Variants in ABLIM1 observed in about 807,000 individuals in gnomAD.
ABLIM1 encodes actin binding LIM protein 1.
ABLIM1 carries 40 observed loss-of-function variants against 107.0 expected under a neutral mutation model. The observed-to-expected ratio is 0.37, with a 90% CI of 0.29 to 0.49. The LOEUF is 0.49. Ranked by LOEUF, ABLIM1 falls within the 20% of genes least tolerant of loss-of-function variation. The pLI is 0.97. For missense variants in ABLIM1, 857 were observed against 1,008.5 expected (o/e 0.85, Z 2.04); for synonymous variants, 357 against 357.3 (o/e 1.00, Z 0.01).
intron 6 of ABLIM1, among the ~76,000 whole-genome samples, chr10:114,532,909 G>GT (rs1565852539): frequency 1.3e-5 from 2 of 152,156 alleles, no homozygotes; most frequent in African/African-American, 4.8e-5. Context: ...CTCCACCACC[G>GT]TCAGCTAGGT....
intron 6 of ABLIM1, among the ~76,000 whole-genome samples, chr10:114,518,847 T>C (rs1465587023): frequency 6.6e-6 from 1 of 152,038 alleles, no homozygotes. Flanking sequence ...AGAAGTTGTC[T>C]GCTCAGACAG....
At chr10:114,727,442 A>T (rs560493038) in intron 1 of ABLIM1, among the ~76,000 whole-genome samples, 8 of 152,354 alleles carry the variant, frequency 5.3e-5, no homozygotes, top group African/African-American at 1.9e-4. Flanking sequence ...TTATCAATGG[A>T]TTGCCCATGT....
chr10:114,770,924 G>A (rs1216860762), upstream of ABLIM1, among the ~76,000 whole-genome samples: 1 of 152,104 alleles, frequency 6.6e-6, no homozygotes, highest in Non-Finnish European at 1.5e-5. Context: ...TCCACCTCCC[G>A]TGCTCAAGTG....
intron 1 of ABLIM1, among the ~76,000 whole-genome samples, chr10:114,737,684 C>G (rs75558771): frequency 0.019 from 2,826 of 152,238 alleles, 86 homozygotes; most frequent in African/African-American, 0.065. Context: ...AAGAACAGAG[C>G]ATGTTCAAAG....
the ABLIM1 span, among the ~76,000 whole-genome samples, chr10:114,784,665 C>CAAAA: frequency 9.4e-4 from 83 of 87,954 alleles, no homozygotes; most frequent in East Asian, 1.5e-3. Flanking sequence ...AGACTCACCT[C>CAAAA]AAAAAAAAAA....
At chr10:114,575,710 C>T (rs1345995124) in intron 2 of ABLIM1, 111 bp from the exon 3 acceptor site, 1 of 1,165,526 alleles carries the variant, frequency 8.6e-7, no homozygotes, top group Non-Finnish European at 1.2e-6. Context: ...TGGTTTGGGG[C>T]TAGGGAGGGG....
chr10:114,487,827 T>C, intron 8 of ABLIM1, 131 bp downstream of exon 8: 1 of 1,154,098 alleles, frequency 8.7e-7, no homozygotes, highest in Admixed American at 1.7e-5. Context: ...AAATGGCCTT[T>C]GAACTTAGTT....
At chr10:114,506,272 C>T (rs543897040) in intron 6 of ABLIM1, among the ~76,000 whole-genome samples, 1 of 152,250 alleles carries the variant, frequency 6.6e-6, no homozygotes, top group South Asian at 2.1e-4. Context: ...TGAATGGGCA[C>T]CTAGGTTGAC....
At chr10:114,550,725 C>T (rs1389309901) in intron 4 of ABLIM1, among the ~76,000 whole-genome samples, 2 of 152,198 alleles carry the variant, frequency 1.3e-5, no homozygotes, top group Non-Finnish European at 2.9e-5. Flanking sequence ...CTCCCTCCTC[C>T]TAACTCCTGG....
At chr10:114,575,078 G>A (rs1304808818) in intron 3 of ABLIM1, among the ~76,000 whole-genome samples, 1 of 152,144 alleles carries the variant, frequency 6.6e-6, no homozygotes, top group Non-Finnish European at 1.5e-5. Flanking sequence ...ACATGCCTAG[G>A]AATTTATACT....
intron 1 of ABLIM1, among the ~76,000 whole-genome samples, chr10:114,655,627 A>G (rs539107139): frequency 3.1e-4 from 47 of 152,292 alleles, no homozygotes; most frequent in Admixed American, 1.5e-3. Flanking sequence ...GATTCTAGGT[A>G]TCCCCTAGTA....
chr10:114,583,444 CACACACACACACACACACACACACATAT>C (rs2073716326), intron 2 of ABLIM1, among the ~76,000 whole-genome samples: 3 of 34,498 alleles, frequency 8.7e-5, no homozygotes, highest in African/African-American at 2.8e-4. Flanking sequence ...CACACACACA[CACACACACACACACACACACACACATAT>C]ATATATATAT....
At chr10:114,459,801 G>T (rs2063499757) in intron 12 of ABLIM1, among the ~76,000 whole-genome samples, 1 of 152,178 alleles carries the variant, frequency 6.6e-6, no homozygotes, top group South Asian at 2.1e-4. Flanking sequence ...TTTAAGTTCA[G>T]GGTCACTAAT....
chr10:114,746,087 A>G (rs1421432803), intron 1 of ABLIM1, among the ~76,000 whole-genome samples: 1 of 152,198 alleles, frequency 6.6e-6, no homozygotes, highest in Non-Finnish European at 1.5e-5. Context: ...TATCACCTCA[A>G]TATTTAACTT....
the ABLIM1 span, among the ~76,000 whole-genome samples, chr10:114,786,100 C>T: frequency 6.6e-6 from 1 of 152,152 alleles, no homozygotes; most frequent in Admixed American, 6.5e-5. Context: ...AGCAGAATTA[C>T]ATTCAGTTTT....
intron 1 of ABLIM1, among the ~76,000 whole-genome samples, chr10:114,628,114 C>T (rs1271493018): frequency 2.6e-5 from 4 of 151,298 alleles, no homozygotes; most frequent in Non-Finnish European, 5.9e-5. Flanking sequence ...AAGAGTGAAA[C>T]TCTGTTTCAA....
intron 21 of ABLIM1, among the ~76,000 whole-genome samples, 165 bp downstream of exon 21, chr10:114,439,011 A>T (rs908516268): frequency 6.6e-6 from 1 of 152,256 alleles, no homozygotes; most frequent in African/African-American, 2.4e-5. Context: ...TAACCTGCTG[A>T]CCTGATGTGG....
intron 1 of ABLIM1, among the ~76,000 whole-genome samples, chr10:114,699,059 C>T (rs2081254182): frequency 6.9e-6 from 1 of 144,132 alleles, no homozygotes; most frequent in African/African-American, 2.6e-5. Context: ...TGATTCAGAG[C>T]CTGGACGATC....
At chr10:114,520,810 AAAT>A (rs1380859458) in intron 6 of ABLIM1, among the ~76,000 whole-genome samples, 2 of 151,834 alleles carry the variant, frequency 1.3e-5, no homozygotes, top group Non-Finnish European at 2.9e-5. Context: ...TGTCTCTAAA[AAAT>A]AATAATAAAA....
Sources: gnomAD v4.1 joint callset for allele counts (sites outside exome capture counted in the v4.1 genomes callset) on GRCh38, gnomAD v4.1.1 for gene constraint, MANE v1.5 for transcripts, NCBI Gene and HGNC (gene_info 2026-07-23, HGNC 2026-07-21) for gene names.